Variants in PTPRN2 observed in about 807,000 individuals in gnomAD.
PTPRN2 encodes the protein receptor-type tyrosine-protein phosphatase N2.
PTPRN2 carries 74 observed loss-of-function variants against 118.8 expected under a neutral mutation model. The observed-to-expected ratio is 0.62, with a 90% CI of 0.52 to 0.76. The LOEUF is 0.76. PTPRN2 is among the 30% of genes least tolerant of loss of function. PTPRN2 has a pLI of 0.00. For missense variants in PTPRN2, 1,481 were observed against 1,394.4 expected, an observed-to-expected ratio of 1.06 and a Z score of -0.99; for synonymous variants, 641 against 608.0, an observed-to-expected ratio of 1.05 and a Z score of -0.80.
At chr7:158,071,121 C>T (rs866115113) in intron 11 of PTPRN2, among the ~76,000 whole-genome samples, 1,894 of 7,268 alleles carry the variant, frequency 0.26, 16 homozygotes, top group Middle Eastern at 0.33. Context: ...GTGGAGGTGC[C>T]CGTGGTGGTG....
chr7:158,469,035 G>GCA lies in PTPRN2; in HGVS notation c.163+20699_163+20700insTG, dbSNP rs1563330017. Among the ~76,000 whole-genome samples, 7 of 151,838 alleles carry GCA rather than the reference G, an allele frequency of 4.6e-5. No homozygotes were observed. The East Asian group carries it at 7.7e-4, about 17-fold the overall frequency. ...ACTATGCACACCCACACACACTCCG[G>GCA]GTGGATCAACACTATGCACACCCAC... is the stretch of plus-strand genomic sequence containing the variant. On this transcript the variant is annotated intron_variant, in intron 2 of 22. Transcript: ENST00000389418.
At chr7:157,643,446 T>G (rs2150700862) in intron 14 of PTPRN2, among the ~76,000 whole-genome samples, 1 of 152,340 alleles carries the variant, frequency 6.6e-6, no homozygotes, top group Non-Finnish European at 1.5e-5. Flanking sequence ...AGGGACACTC[T>G]CTGCCTGTGT....
intron 8 of PTPRN2, among the ~76,000 whole-genome samples, chr7:158,135,119 G>A (rs1818697551): frequency 6.6e-6 from 1 of 152,120 alleles, no homozygotes; most frequent in South Asian, 2.1e-4. Context: ...TACTTGGCAG[G>A]GTTTTTTTCC....
chr7:157,660,307 T>C (rs1796273), intron 13 of PTPRN2, among the ~76,000 whole-genome samples: 7,502 of 152,208 alleles, frequency 0.049, 577 homozygotes, highest in East Asian at 0.36. Context: ...CATCCTGTGA[T>C]TTGCCACCCA....
intron 12 of PTPRN2, among the ~76,000 whole-genome samples, chr7:157,806,275 C>T (rs1805625599): frequency 6.6e-6 from 1 of 152,144 alleles, no homozygotes; most frequent in South Asian, 2.1e-4. Context: ...GGCCTATGCT[C>T]AAAAAGTTTT....
At chr7:158,385,884 C>T (rs1288463838) in intron 2 of PTPRN2, among the ~76,000 whole-genome samples, 1 of 151,158 alleles carries the variant, frequency 6.6e-6, no homozygotes, top group African/African-American at 2.4e-5. Flanking sequence ...TCCTCCCATG[C>T]CCCGAGTCCC....
chr7:158,174,841 T>C (rs1377255829), intron 5 of PTPRN2, among the ~76,000 whole-genome samples: 1 of 152,116 alleles, frequency 6.6e-6, no homozygotes, highest in Non-Finnish European at 1.5e-5. Context: ...ACCATACCCC[T>C]CACCTGTCAA....
intron 2 of PTPRN2, among the ~76,000 whole-genome samples, chr7:158,413,801 C>T (rs150977745): frequency 7.7e-4 from 118 of 152,332 alleles, no homozygotes; most frequent in African/African-American, 2.3e-3. Context: ...CCAGGCCCAG[C>T]GGTCCTGACC....
At chr7:158,320,390 TC>T (rs1802899452) in intron 2 of PTPRN2, among the ~76,000 whole-genome samples, 1 of 152,172 alleles carries the variant, frequency 6.6e-6, no homozygotes, top group Non-Finnish European at 1.5e-5. Context: ...CATTTTTCAC[TC>T]CCAGCAGCTG....
chr7:158,024,900 T>C (rs1198382262), intron 11 of PTPRN2, among the ~76,000 whole-genome samples: 1 of 152,066 alleles, frequency 6.6e-6, no homozygotes, highest in African/African-American at 2.4e-5. Flanking sequence ...AAAATTTACC[T>C]AAAAAAGAAA....
intron 1 of PTPRN2, among the ~76,000 whole-genome samples, chr7:158,569,687 G>A (rs554827452): frequency 8.6e-5 from 13 of 150,330 alleles, no homozygotes; most frequent in Admixed American, 3.3e-4. Flanking sequence ...AACGCGGGGC[G>A]CGAGGCCGCC....
chr7:158,405,222 A>C lies in PTPRN2; in HGVS notation c.163+84513T>G, dbSNP rs185565096. On this transcript the variant is annotated intron_variant, in intron 2 of 22. Transcript: ENST00000389418. ...CACATCCTCCCGGGGTGCCTGGGAG[A>C]TCTCTAGAATTCCTGGGTGTCACAT... Among the ~76,000 whole-genome samples the C allele has an allele frequency of 1.1e-3, 175 of 152,194 alleles. 1 individual carries two copies. The highest frequency in any genetic ancestry group is 4.0e-3 in the African/African-American group (168 of 41,530).
Position 157,585,570 on chromosome 7 carries a change from G to A in PTPRN2, c.2497-7430C>T, listed in dbSNP as rs1194023349. Among the ~76,000 whole-genome samples, 1 of 152,206 alleles carries A rather than the reference G, an allele frequency of 6.6e-6. No homozygotes were observed. Among genetic ancestry groups the A allele is most frequent in the South Asian group, 2.1e-4 (1 of 4,828 alleles). On this transcript the variant is annotated intron_variant, in intron 17 of 22. Coordinates refer to ENST00000389418, the MANE Select transcript of PTPRN2 (RefSeq NM_002847.5). This position sits in a 1 kb window ranked among gnomAD's most constrained non-coding sequence, Gnocchi z 5.2. The stretch of plus-strand genomic sequence containing the variant: ...TTGGACCCGCACAGGAAGTCACCTG[G>A]CACAGGCGTCACTGAGACTCCCTGT...
intron 11 of PTPRN2, among the ~76,000 whole-genome samples, chr7:157,950,292 G>A (rs556556656): frequency 1.6e-4 from 24 of 152,276 alleles, no homozygotes; most frequent in African/African-American, 3.9e-4. Context: ...ATACAAACCC[G>A]CAGGCGTTTC....
rs1797455486 is a variant in PTPRN2, at chr7:157,690,971, A to T, written c.1789-8034T>A. On this transcript the variant is annotated intron_variant, in intron 12 of 22. Coordinates refer to ENST00000389418, the MANE Select transcript of PTPRN2 (RefSeq NM_002847.5). This position sits in a 1 kb window ranked among gnomAD's most constrained non-coding sequence, Gnocchi z 7.1. Reference sequence around the variant, plus strand: ...GCCGGCCGCGCGCGTAGCACCAACCAGCGCGGCCGCCGCGCCCCGCCTTAT... The same window carrying T: ...GCCGGCCGCGCGCGTAGCACCAACCTGCGCGGCCGCCGCGCCCCGCCTTAT... Among the ~76,000 whole-genome samples, 1 of 141,394 alleles carries T rather than the reference A, an allele frequency of 7.1e-6. No homozygotes were observed. 92.8% of individuals were successfully genotyped at this position (141,394 alleles called of 152,430 possible).
intron 12 of PTPRN2, among the ~76,000 whole-genome samples, chr7:157,712,754 A>C (rs1316206525): frequency 3.1e-5 from 1 of 32,404 alleles, no homozygotes; most frequent in Non-Finnish European, 8.8e-5. Flanking sequence ...TCCATCTCAA[A>C]AAAAAAAAAA....
intron 1 of PTPRN2, among the ~76,000 whole-genome samples, chr7:158,491,263 C>T (rs1821422804): frequency 1.3e-5 from 2 of 152,218 alleles, no homozygotes; most frequent in South Asian, 2.1e-4. Flanking sequence ...TCCACAGTTG[C>T]AGGGCGGCCC....
In PTPRN2 at chr7:158,361,293, CTGGCA is replaced by C. The variant is rs1808924239; in HGVS notation, c.164-44366_164-44362del. Among the ~76,000 whole-genome samples, 2 of 3,700 alleles carry C rather than the reference CTGGCA, an allele frequency of 5.4e-4. 1 individual carries two copies. The allele number at this position is 3,700 out of a possible 152,430, so 2.4% of individuals were successfully genotyped here. ...AAGGATGATGCGCAGACCCCACACC[CTGGCA>C]ACCCACAGACCCCGTGTCCACCCTC... On this transcript the variant is annotated intron_variant, in intron 2 of 22. Transcript: ENST00000389418.
intron 2 of PTPRN2, among the ~76,000 whole-genome samples, chr7:158,373,215 G>A (rs1458974855): frequency 1.3e-5 from 2 of 152,254 alleles, no homozygotes; most frequent in Non-Finnish European, 2.9e-5. Context: ...GTACGCTGCG[G>A]AATCGCATTA....
Sources: allele counts gnomAD v4.1 joint callset (sites outside exome capture counted in the v4.1 genomes callset), GRCh38; gene constraint gnomAD v4.1.1; non-coding constraint Gnocchi (gnomAD v3.1); transcripts MANE v1.5; gene names NCBI Gene and HGNC (gene_info 2026-07-23, HGNC 2026-07-21).